ANHX: variants seen among roughly 807,000 people sequenced by gnomAD.
ANHX encodes the protein anomalous homeobox protein.
Under a neutral mutation model 38.9 loss-of-function variants are expected in ANHX, and 20 were observed. The ratio of observed to expected loss-of-function variants is 0.51; its 90% CI spans 0.36 to 0.75. The LOEUF (loss-of-function observed/expected upper bound fraction) is 0.75. ANHX is among the 30% of genes least tolerant of loss of function. ANHX has a pLI of 0.00. For missense variants in ANHX, 475 were observed against 493.1 expected, an observed-to-expected ratio of 0.96 and a Z score of 0.35; for synonymous variants, 185 against 203.1, an observed-to-expected ratio of 0.91 and a Z score of 0.76.
chr12:133,220,236 A>C (rs1957090542), intron 8 of ANHX, among the ~76,000 whole-genome samples: 1 of 152,130 alleles, frequency 6.6e-6, no homozygotes, highest in Non-Finnish European at 1.5e-5. Flanking sequence ...GCCACTTTTA[A>C]CGAAGGAACT....
chr12:133,235,552 G>T (rs549747918), intron 1 of ANHX: 1 of 151,652 alleles, frequency 6.6e-6, no homozygotes, highest in African/African-American at 2.4e-5. Flanking sequence ...AGCCTGGGAG[G>T]CTCCACCCTC....
intron 4 of ANHX, among the ~76,000 whole-genome samples, chr12:133,227,551 C>G (rs1957206397): frequency 6.6e-6 from 1 of 152,256 alleles, no homozygotes; most frequent in Non-Finnish European, 1.5e-5. Flanking sequence ...TGCCTCGACC[C>G]ATCGTCCTGG....
In ANHX at chr12:133,219,200, A is replaced by C; in HGVS notation, c.1365+83T>G. On this transcript the variant is annotated intron_variant, in intron 9 of 9. Transcript: ENST00000545940. ...TGCCTGGTGTATTCACTCCAGTGGC[A>C]CTAGCTGAACCCTCCTCAGCACCAT... is the stretch of plus-strand genomic sequence containing the variant. The C allele has an allele frequency of 4.7e-6, 6 of 1,272,730 alleles. No homozygotes were observed. The South Asian group carries it at 7.7e-5, about 16-fold the overall frequency. The allele number at this position is 1,272,730 out of a possible 1,614,324, so 78.8% of individuals were successfully genotyped here. A position where few individuals can be genotyped will look rare whatever the true frequency, so the allele number is the denominator to read the frequency against.
intron 8 of ANHX, among the ~76,000 whole-genome samples, chr12:133,220,339 G>A (rs1566400944): frequency 1.3e-5 from 2 of 152,190 alleles, no homozygotes; most frequent in Non-Finnish European, 2.9e-5. Flanking sequence ...GCCATGTGGA[G>A]AGGTGAGGCG....
intron 7 of ANHX, among the ~76,000 whole-genome samples, chr12:133,223,726 G>A (rs888525433): frequency 3.9e-5 from 6 of 152,050 alleles, no homozygotes; most frequent in East Asian, 3.9e-4. Context: ...GATTACAGGC[G>A]TGAGTCACTG....
chr12:133,225,314 TACACACACACACACAC>T (rs36198127), intron 7 of ANHX, among the ~76,000 whole-genome samples: 2 of 141,498 alleles, frequency 1.4e-5, no homozygotes, highest in African/African-American at 2.7e-5. Flanking sequence ...TATGCATACA[TACACACACACACACAC>T]ACACACACAC....
chr12:133,229,645 C>T (rs906262222), intron 3 of ANHX, among the ~76,000 whole-genome samples: 2 of 152,144 alleles, frequency 1.3e-5, no homozygotes, highest in African/African-American at 2.4e-5. Flanking sequence ...CTGGAACCTC[C>T]TAGAAACTCC....
chr12:133,223,647 C>G (rs1227660994), intron 7 of ANHX, among the ~76,000 whole-genome samples: 1 of 151,948 alleles, frequency 6.6e-6, no homozygotes, highest in East Asian at 1.9e-4. Context: ...GGGGTTTCAT[C>G]ATATTGGCCA....
intron 8 of ANHX, among the ~76,000 whole-genome samples, chr12:133,220,841 A>AGTCC (rs1957099793): frequency 6.6e-6 from 1 of 152,210 alleles, no homozygotes; most frequent in Admixed American, 6.5e-5. Flanking sequence ...CAAGACCCCA[A>AGTCC]GTCCCTTGAA....
chr12:133,220,809 G>C (rs1386588418), intron 8 of ANHX, among the ~76,000 whole-genome samples: 1 of 152,206 alleles, frequency 6.6e-6, no homozygotes, highest in Admixed American at 6.5e-5. Flanking sequence ...ACTATCAACA[G>C]CAAGTGCTCA....
At chr12:133,224,551 T>C (rs1957157359) in intron 7 of ANHX, among the ~76,000 whole-genome samples, 1 of 150,522 alleles carries the variant, frequency 6.6e-6, no homozygotes. Context: ...TAGTTCTACC[T>C]ACTCGGGAGG....
rs547610906 is a variant in ANHX at position 133,225,533 on chromosome 12, C to A, written c.1132+3G>T. 6.6e-6 allele frequency among the ~76,000 whole-genome samples: 1 copy of A among 152,348 alleles called. No individual in the cohort carries two copies. The highest frequency in any genetic ancestry group is 1.9e-4 in the East Asian group (1 of 5,188). ...ACTCATGGTCTGTCTGAAGTGGACC[C>A]ACCTGTAGGGCTGGGATCTCCAAGG... is the stretch of plus-strand genomic sequence containing the variant. On this transcript the variant is annotated splice_donor_region_variant and intron_variant, in intron 7 of 9. Coordinates refer to ENST00000545940, the MANE Select transcript of ANHX (RefSeq NM_001372060.1).
intron 3 of ANHX, among the ~76,000 whole-genome samples, chr12:133,230,700 C>T (rs555000921): frequency 6.6e-6 from 1 of 152,186 alleles, no homozygotes; most frequent in South Asian, 2.1e-4. Flanking sequence ...GAAGTTGAGG[C>T]TGCAGAGTTG....
intron 8 of ANHX, among the ~76,000 whole-genome samples, chr12:133,219,986 A>G (rs1207211787): frequency 1.3e-5 from 2 of 152,210 alleles, no homozygotes; most frequent in Admixed American, 6.5e-5. Context: ...AGGAAGCCAG[A>G]CCACAGCAAA....
rs144453590 is a variant in ANHX, at chr12:133,227,857, C to A, written c.468G>T (p.Val156=). The change falls in exon 4 of 10, where the codon GTG becomes GTT. Residue 156 remains valine (V), a synonymous_variant. Coordinates refer to ENST00000545940, the MANE Select transcript of ANHX (RefSeq NM_001372060.1). ...CCTTGCTGGGGTTGGTGTTCACCCCCACAGCGAAATTGTGCAGCTTCTCAC... is the reference window on the plus strand; with the variant it reads ...CCTTGCTGGGGTTGGTGTTCACCCCAACAGCGAAATTGTGCAGCTTCTCAC... ...EVREKLHNFA[V]GVNTNPSKAE... 665 of 1,535,092 alleles carry A rather than the reference C, an allele frequency of 4.3e-4. 10 individuals carry two copies. In the East Asian group the frequency reaches 0.016, roughly 37 times the overall value.
chr12:133,228,064 G>T (rs1292214142), intron 3 of ANHX, 117 bp from the exon 4 acceptor site: 2 of 1,234,474 alleles, frequency 1.6e-6, no homozygotes, highest in African/African-American at 1.5e-5. Context: ...CCTCCTGGGG[G>T]ATGCCTCTCT....
intron 3 of ANHX, among the ~76,000 whole-genome samples, chr12:133,231,015 T>C (rs1174702121): frequency 6.6e-6 from 1 of 152,206 alleles, no homozygotes; most frequent in Non-Finnish European, 1.5e-5. Context: ...ATGTAACTCA[T>C]GCTAACACTG....
intron 3 of ANHX, among the ~76,000 whole-genome samples, chr12:133,229,374 T>C (rs560346063): frequency 6.6e-6 from 1 of 152,256 alleles, no homozygotes; most frequent in South Asian, 2.1e-4. Context: ...CTAAAATGCA[T>C]CTCGCACATC....
At chr12:133,227,206 G>C (rs1041553653) in intron 4 of ANHX, 54 bp from the exon 5 acceptor site, 2 of 1,491,428 alleles carry the variant, frequency 1.3e-6, no homozygotes, top group Admixed American at 2.1e-5. Flanking sequence ...GAGGACAGGG[G>C]GTGTGCAGAA....
Sources: gnomAD v4.1 joint callset for allele counts (sites outside exome capture counted in the v4.1 genomes callset) on GRCh38, gnomAD v4.1.1 for gene constraint, MANE v1.5 for transcripts, NCBI Gene and HGNC (gene_info 2026-07-23, HGNC 2026-07-21) for gene names.